ABHD6: variants seen among roughly 807,000 people sequenced by gnomAD.
The protein encoded by ABHD6 is abhydrolase domain containing 6, acylglycerol lipase.
A neutral mutation model predicts 38.8 loss-of-function variants in ABHD6; 33 were observed. The observed-to-expected ratio is 0.85, with a 90% CI of 0.64 to 1.14. The LOEUF (loss-of-function observed/expected upper bound fraction) is 1.14. Ranked by LOEUF, ABHD6 falls within the 50% of genes most tolerant of loss-of-function variation. The pLI, the probability that ABHD6 is intolerant of heterozygous loss-of-function variation, is 0.00. For missense variants in ABHD6, 380 were observed against 422.6 expected (o/e 0.90, Z 0.88); for synonymous variants, 147 against 161.6 (o/e 0.91, Z 0.69).
chr3:58,242,344 C>T (rs922423237), intron 1 of ABHD6, among the ~76,000 whole-genome samples: 3 of 152,184 alleles, frequency 2.0e-5, no homozygotes. Context: ...TGACATTGAG[C>T]AGCTTGCTTA....
chr3:58,266,642 A>C lies in ABHD6; in HGVS notation c.120-547A>C, dbSNP rs1437199993. On this transcript the variant is annotated intron_variant, in intron 3 of 9. Transcript: ENST00000478253. The surrounding 1 kb of genome is among the most constrained non-coding windows in gnomAD (Gnocchi z 4.0). ...TAGTGTGAAGTATCTTACAAAGTGC[A>C]CCTCTGATTGAATTAATTATCTCTC... 6.6e-6 allele frequency among the ~76,000 whole-genome samples: 1 copy of C among 152,350 alleles called. No homozygotes were observed. Among genetic ancestry groups the C allele is most frequent in the Non-Finnish European group, 1.5e-5 (1 of 68,028 alleles).
rs893155207 is a variant in ABHD6, at chr3:58,266,187, G to A, written c.120-1002G>A. ...CCAGGTGCGGTTTAACCAGCTGGAC[G>A]TCTGTAACCCAAGCACTTTGGGAGG... is the stretch of plus-strand genomic sequence containing the variant. On this transcript the variant is annotated intron_variant, in intron 3 of 9. Transcript: ENST00000478253. This position sits in a 1 kb window ranked among gnomAD's most constrained non-coding sequence, Gnocchi z 4.0. Among the ~76,000 whole-genome samples, 4 of 152,176 alleles carry A rather than the reference G, an allele frequency of 2.6e-5. No homozygotes were observed. The South Asian group carries it at 6.2e-4, about 24-fold the overall frequency.
intron 7 of ABHD6, among the ~76,000 whole-genome samples, chr3:58,276,313 TG>T (rs1326460285): frequency 6.6e-6 from 1 of 152,232 alleles, no homozygotes; most frequent in Non-Finnish European, 1.5e-5. Context: ...CCATTCTAAC[TG>T]GTGTGAGATG....
In ABHD6 at chr3:58,269,486, C is replaced by G; in HGVS notation, c.390+52C>G. On this transcript the variant is annotated intron_variant, in intron 5 of 9. Transcript: ENST00000478253. The surrounding 1 kb of genome is among the most constrained non-coding windows in gnomAD (Gnocchi z 4.4). ...GCCCAGACTGTCTCAGCCACCATTA[C>G]ATGTCTGAGTCTGGAGAGCAGGGAA... 7.2e-7 allele frequency: 1 copy of G among 1,384,640 alleles called. No individual in the cohort carries two copies. Among genetic ancestry groups the G allele is most frequent in the Non-Finnish European group, 1.0e-6 (1 of 978,882 alleles). 85.8% of individuals were successfully genotyped at this position (1,384,640 alleles called of 1,614,324 possible).
intron 6 of ABHD6, among the ~76,000 whole-genome samples, chr3:58,274,371 G>C (rs1206371614): frequency 6.6e-6 from 1 of 152,194 alleles, no homozygotes; most frequent in Non-Finnish European, 1.5e-5. Flanking sequence ...GGTTCAAGAG[G>C]CTCAGGGAGG....
In ABHD6 at chr3:58,287,131, A is replaced by G. The variant is rs1409082642; in HGVS notation, c.837+1678A>G. On this transcript the variant is annotated intron_variant, in intron 9 of 9. Coordinates refer to ENST00000478253, the MANE Select transcript of ABHD6 (RefSeq NM_001320126.2). The surrounding 1 kb of genome is among the most constrained non-coding windows in gnomAD (Gnocchi z 4.7). ...ATCTCTATAAAAAATAAATTTTTAAAAAAGTAGCCAAGCATGGTGGTATGC... is the reference window on the plus strand; with the variant it reads ...ATCTCTATAAAAAATAAATTTTTAAGAAAGTAGCCAAGCATGGTGGTATGC... Among the ~76,000 whole-genome samples, 1 of 151,614 alleles carries G rather than the reference A, an allele frequency of 6.6e-6. No homozygotes were observed. Among genetic ancestry groups the G allele is most frequent in the African/African-American group, 2.4e-5 (1 of 41,244 alleles).
intron 7 of ABHD6, among the ~76,000 whole-genome samples, chr3:58,280,883 G>T (rs2097452617): frequency 6.6e-6 from 1 of 152,162 alleles, no homozygotes; most frequent in Non-Finnish European, 1.5e-5. Context: ...TTTGCTGGAG[G>T]TCCGCTCCAG....
chr3:58,263,250 C>T lies in ABHD6; in HGVS notation c.120-3939C>T, dbSNP rs182435934. 1.3e-4 allele frequency among the ~76,000 whole-genome samples: 19 copies of T among 151,954 alleles called. No individual in the cohort carries two copies. The East Asian group carries it at 2.7e-3, about 22-fold the overall frequency. On this transcript the variant is annotated intron_variant, in intron 3 of 9. Coordinates refer to ENST00000478253, the MANE Select transcript of ABHD6 (RefSeq NM_001320126.2). This position sits in a 1 kb window ranked among gnomAD's most constrained non-coding sequence, Gnocchi z 4.9. ...TAAACAAAAACAAAAATTAGCCGAG[C>T]GTGGTGGCACACACCTGTAATCCCA...
rs1391401896 is a variant in ABHD6 at position 58,273,426 on chromosome 3, A to T, written c.524-1232A>T. On this transcript the variant is annotated intron_variant, in intron 6 of 9. Coordinates refer to ENST00000478253, the MANE Select transcript of ABHD6 (RefSeq NM_001320126.2). This position sits in a 1 kb window ranked among gnomAD's most constrained non-coding sequence, Gnocchi z 4.8. ...TTAAAAAAAAATCTAACATTCACACATATGTTTATTGCAGCACTATTTACG... is the reference window on the plus strand; with the variant it reads ...TTAAAAAAAAATCTAACATTCACACTTATGTTTATTGCAGCACTATTTACG... Among the ~76,000 whole-genome samples the T allele has an allele frequency of 6.6e-6, 1 of 152,088 alleles. No individual in the cohort carries two copies. Among genetic ancestry groups the T allele is most frequent in the East Asian group, 1.9e-4 (1 of 5,190 alleles).
intron 1 of ABHD6, among the ~76,000 whole-genome samples, chr3:58,240,439 G>A (rs926447920): frequency 5.0e-4 from 76 of 151,966 alleles, no homozygotes; most frequent in Middle Eastern, 3.4e-3. Context: ...AATTATTACC[G>A]TGATGAGTGT....
At chr3:58,272,662 C>T (rs773566365) in intron 6 of ABHD6, among the ~76,000 whole-genome samples, 4 of 152,038 alleles carry the variant, frequency 2.6e-5, no homozygotes, top group Non-Finnish European at 5.9e-5. Context: ...AAATCACTTA[C>T]AGGAAGTAAA....
chr3:58,282,648 A>T (rs1180678911), intron 7 of ABHD6, among the ~76,000 whole-genome samples: 1 of 152,164 alleles, frequency 6.6e-6, no homozygotes, highest in East Asian at 1.9e-4. Flanking sequence ...AGGTGAGAGG[A>T]TCACCTGAGC....
intron 9 of ABHD6, among the ~76,000 whole-genome samples, chr3:58,290,202 T>C (rs2097461039): frequency 3.3e-5 from 3 of 91,726 alleles, no homozygotes; most frequent in African/African-American, 4.8e-5. Context: ...ACGGGGCGGC[T>C]GGCTGGGCAG....
At position 58,271,038 on chromosome 3, in the gene ABHD6, C is replaced by T; in HGVS notation, c.497C>T (p.Ser166Phe). The T allele has an allele frequency of 6.2e-7, 1 of 1,609,714 alleles. No individual in the cohort carries two copies. The highest frequency in any genetic ancestry group is 1.7e-5 in the Admixed American group (1 of 58,674). ...VYAAYYPSDVSSLCLVCPAGL... is the reference protein window; with the variant it reads ...VYAAYYPSDVFSLCLVCPAGL... ...GCTGCTTACTACCCATCGGATGTCTCCAGCCTGTGTCTCGTGTGTCCTGCT... is the reference window on the plus strand; with the variant it reads ...GCTGCTTACTACCCATCGGATGTCTTCAGCCTGTGTCTCGTGTGTCCTGCT... The change falls in exon 6 of 10, where the codon TCC becomes TTC. Residue 166 changes from serine (S) to phenylalanine (F), a missense_variant. Transcript: ENST00000478253.
At chr3:58,286,822 ATGTGTGTGTGTG>A (rs56020810) in intron 9 of ABHD6, among the ~76,000 whole-genome samples, 11 of 74,772 alleles carry the variant, frequency 1.5e-4, no homozygotes, top group African/African-American at 6.2e-4. Context: ...AAGATCATAT[ATGTGTGTGTGTG>A]TGTGTGTGTG....
chr3:58,279,806 G>A (rs549984278), intron 7 of ABHD6, among the ~76,000 whole-genome samples: 39 of 152,218 alleles, frequency 2.6e-4, no homozygotes, highest in Non-Finnish European at 3.7e-4. Flanking sequence ...ATCTCTCAGC[G>A]TTTGCTTGTC....
Position 58,269,244 on chromosome 3 carries a change from T to C in ABHD6, c.277-77T>C. ...GGATGGCTGTCTGGGTCACTGTACA[T>C]GGGGCAACCTCCCAAGAAAATGGGC... On this transcript the variant is annotated intron_variant, in intron 4 of 9. Transcript: ENST00000478253. This position sits in a 1 kb window ranked among gnomAD's most constrained non-coding sequence, Gnocchi z 4.4. The C allele has an allele frequency of 9.1e-7, 1 of 1,100,620 alleles. No homozygotes were observed. The highest frequency in any genetic ancestry group is 1.5e-5 in the African/African-American group (1 of 65,186). The allele number at this position is 1,100,620 out of a possible 1,614,324, so 68.2% of individuals were successfully genotyped here.
Position 58,273,527 on chromosome 3 carries a change from A to G in ABHD6, c.524-1131A>G, listed in dbSNP as rs780805319. ...AAAGAAAATGTGGCACATATACACCATGGAATACTATGCAGCCATAAAAAA... is the reference window on the plus strand; with the variant it reads ...AAAGAAAATGTGGCACATATACACCGTGGAATACTATGCAGCCATAAAAAA... On this transcript the variant is annotated intron_variant, in intron 6 of 9. Coordinates refer to ENST00000478253, the MANE Select transcript of ABHD6 (RefSeq NM_001320126.2). The surrounding 1 kb of genome is among the most constrained non-coding windows in gnomAD (Gnocchi z 4.8). 6.6e-6 allele frequency among the ~76,000 whole-genome samples: 1 copy of G among 152,232 alleles called. No homozygotes were observed. Among genetic ancestry groups the G allele is most frequent in the African/African-American group, 2.4e-5 (1 of 41,464 alleles).
intron 7 of ABHD6, among the ~76,000 whole-genome samples, chr3:58,279,733 G>T (rs1410869903): frequency 4.6e-5 from 7 of 152,182 alleles, no homozygotes; most frequent in Non-Finnish European, 7.3e-5. Flanking sequence ...CATACCGGTT[G>T]TTCCTTTCCA....
Sources: gnomAD v4.1 joint callset for allele counts (sites outside exome capture counted in the v4.1 genomes callset) on GRCh38, gnomAD v4.1.1 for gene constraint, Gnocchi (gnomAD v3.1) non-coding constraint, MANE v1.5 for transcripts, NCBI Gene and HGNC (gene_info 2026-07-23, HGNC 2026-07-21) for gene names.